The following PPP2R2B variants were observed in gnomAD, a reference collection of about 807,000 sequenced individuals.
PPP2R2B encodes the protein serine/threonine-protein phosphatase 2A 55 kDa regulatory subunit B beta isoform.
PPP2R2B carries 5 observed loss-of-function variants against 46.0 expected under a neutral mutation model. That is an observed-to-expected ratio of 0.11 (90% CI 0.06 to 0.23). The LOEUF (loss-of-function observed/expected upper bound fraction) is 0.23. Among genes scored for constraint, PPP2R2B ranks in the 10% least tolerant of loss-of-function variants. PPP2R2B has a pLI of 1.00. For synonymous variants in PPP2R2B, 215 were observed against 206.7 expected, an observed-to-expected ratio of 1.04 and a Z score of -0.34; for missense variants, 367 against 575.0, an observed-to-expected ratio of 0.64 and a Z score of 3.70.
At chr5:146,709,995 C>G (rs995962723) in intron 2 of PPP2R2B, among the ~76,000 whole-genome samples, 3 of 152,212 alleles carry the variant, frequency 2.0e-5, no homozygotes, top group Admixed American at 2.0e-4. Flanking sequence ...TGCACAAACT[C>G]TCACATGCAC....
At chr5:146,635,352 T>G (rs188466815) in intron 7 of PPP2R2B, among the ~76,000 whole-genome samples, 86 of 152,246 alleles carry the variant, frequency 5.6e-4, no homozygotes, top group East Asian at 3.3e-3. Flanking sequence ...GGGTTTTTTT[T>G]TGTGTGTTTA....
At chr5:146,822,905 A>G (rs1230710176) in intron 2 of PPP2R2B, among the ~76,000 whole-genome samples, 1 of 152,226 alleles carries the variant, frequency 6.6e-6, no homozygotes, top group African/African-American at 2.4e-5. Flanking sequence ...ACTAAAAGCA[A>G]TGCAGTCCCC....
At chr5:146,928,378 T>C (rs918434270) in intron 1 of PPP2R2B, among the ~76,000 whole-genome samples, 3 of 151,956 alleles carry the variant, frequency 2.0e-5, no homozygotes, top group African/African-American at 7.2e-5. Flanking sequence ...TACCCAAAAC[T>C]GAACTGTTCC....
At chr5:146,590,398 G>GT (rs1221281341) in intron 9 of PPP2R2B, among the ~76,000 whole-genome samples, 172 bp from the exon 10 acceptor site, 5,289 of 113,360 alleles carry the variant, frequency 0.047, 252 homozygotes, top group Admixed American at 0.096. Context: ...TTTTTTTTGT[G>GT]TTTTTTTTTT....
At chr5:146,900,554 T>C (rs490813) in intron 1 of PPP2R2B, among the ~76,000 whole-genome samples, 42,576 of 106,784 alleles carry the variant, frequency 0.4, 9,836 homozygotes, top group East Asian at 0.63. Context: ...TTCCTTCCTT[T>C]CTTCCTTCCT....
At chr5:146,722,026 T>C (rs1780835847) in intron 2 of PPP2R2B, among the ~76,000 whole-genome samples, 1 of 152,180 alleles carries the variant, frequency 6.6e-6, no homozygotes, top group South Asian at 2.1e-4. Context: ...AAGGTAGATG[T>C]CATTATTACT....
Position 146,650,075 on chromosome 5 carries a change from A to G in PPP2R2B, c.625+472T>C, listed in dbSNP as rs150912610. On this transcript the variant is annotated intron_variant, in intron 6 of 9. Coordinates refer to ENST00000394411, the MANE Select transcript of PPP2R2B (RefSeq NM_181675.4). ...ATGCATAATATACTTCAATGAGGTA[A>G]AAAATGTAATACTATAAAGTTCCCA... is the stretch of plus-strand genomic sequence containing the variant. 6.3e-3 allele frequency among the ~76,000 whole-genome samples: 967 copies of G among 152,292 alleles called. 22 individuals are homozygous for G. The highest frequency in any genetic ancestry group is 0.041 in the Admixed American group (631 of 15,288).
intron 5 of PPP2R2B, among the ~76,000 whole-genome samples, chr5:146,676,331 C>G (rs192619807): frequency 1.6e-3 from 244 of 152,168 alleles, no homozygotes; most frequent in Non-Finnish European, 3.0e-3. Flanking sequence ...CTTAACAAGA[C>G]CTATGGTGCC....
At chr5:146,933,145 G>C (rs544346750) in intron 1 of PPP2R2B, among the ~76,000 whole-genome samples, 1 of 152,146 alleles carries the variant, frequency 6.6e-6, no homozygotes, top group African/African-American at 2.4e-5. Flanking sequence ...AATATCCTTT[G>C]CTTCAGCAGC....
chr5:146,865,322 A>G (rs897820475), intron 2 of PPP2R2B, among the ~76,000 whole-genome samples: 1 of 149,736 alleles, frequency 6.7e-6, no homozygotes, highest in African/African-American at 2.5e-5. Flanking sequence ...ACACACACAC[A>G]CACACACTGA....
intron 1 of PPP2R2B, among the ~76,000 whole-genome samples, chr5:147,017,684 G>A (rs1215444971): frequency 6.7e-6 from 1 of 148,930 alleles, no homozygotes. Context: ...GGTATCAAAT[G>A]CAGCTGCAGT....
chr5:146,811,653 C>T (rs1224577013), intron 2 of PPP2R2B, among the ~76,000 whole-genome samples: 3 of 149,862 alleles, frequency 2.0e-5, no homozygotes, highest in East Asian at 2.0e-4. Flanking sequence ...CTCCACCTCC[C>T]GGGTTCAAGC....
intron 2 of PPP2R2B, among the ~76,000 whole-genome samples, chr5:146,758,980 C>T (rs1415424764): frequency 1.3e-5 from 2 of 151,988 alleles, no homozygotes; most frequent in African/African-American, 4.8e-5. Flanking sequence ...TGCAGTCTTT[C>T]AGTTCTCTTC....
At chr5:146,866,577 A>T (rs1042318804) in intron 2 of PPP2R2B, among the ~76,000 whole-genome samples, 4 of 152,174 alleles carry the variant, frequency 2.6e-5, no homozygotes, top group Non-Finnish European at 5.9e-5. Context: ...CATACTTTTG[A>T]GGGTTGTGGT....
chr5:146,762,045 C>T (rs1323178887), intron 2 of PPP2R2B, among the ~76,000 whole-genome samples: 2 of 152,146 alleles, frequency 1.3e-5, no homozygotes, highest in East Asian at 3.8e-4. Flanking sequence ...ATCTTAGCAT[C>T]TTAGCCTGAC....
At chr5:147,049,874 G>A (rs973328525) in intron 1 of PPP2R2B, among the ~76,000 whole-genome samples, 1 of 152,208 alleles carries the variant, frequency 6.6e-6, no homozygotes. Flanking sequence ...GTGACAGTGA[G>A]TGTGGATGAC....
chr5:146,930,535 A>G (rs1031341145), intron 1 of PPP2R2B, among the ~76,000 whole-genome samples: 2 of 152,188 alleles, frequency 1.3e-5, no homozygotes, highest in African/African-American at 4.8e-5. Context: ...CAATGATCAC[A>G]GTTCTACAAT....
At chr5:146,990,314 T>C (rs1472937953) in intron 1 of PPP2R2B, among the ~76,000 whole-genome samples, 1 of 152,000 alleles carries the variant, frequency 6.6e-6, no homozygotes. Flanking sequence ...AGCATTACAC[T>C]ACCTGACTTC....
At chr5:146,923,067 C>G (rs151320984) in intron 1 of PPP2R2B, among the ~76,000 whole-genome samples, 305 of 152,278 alleles carry the variant, frequency 2.0e-3, no homozygotes, top group Non-Finnish European at 1.5e-3. Flanking sequence ...TGTAATCAAG[C>G]CTTGCTCCAA....
Sources: gnomAD v4.1 joint callset for allele counts (sites outside exome capture counted in the v4.1 genomes callset) on GRCh38, gnomAD v4.1.1 for gene constraint, MANE v1.5 for transcripts, NCBI Gene and HGNC (gene_info 2026-07-23, HGNC 2026-07-21) for gene names.